HYAL4: variants seen among roughly 807,000 people sequenced by gnomAD.
HYAL4 encodes hyaluronidase-4.
In HYAL4, 37 loss-of-function variants were observed where a neutral mutation model predicts 35.2. The observed-to-expected ratio is 1.05, with a 90% confidence interval of 0.81 to 1.38. The LOEUF (loss-of-function observed/expected upper bound fraction) is 1.38, where lower values mean the gene tolerates loss of function less well. Among genes scored for constraint, HYAL4 ranks in the 40% most tolerant of loss-of-function variants. The pLI is 0.00. For synonymous variants in HYAL4, 198 were observed against 203.2 expected, an observed-to-expected ratio of 0.97 and a Z score of 0.22; for missense variants, 572 against 572.4, an observed-to-expected ratio of 1.00 and a Z score of 0.01.
intron 1 of HYAL4, among the ~76,000 whole-genome samples, chr7:123,835,040 GT>G (rs201786350): frequency 6.7e-6 from 1 of 149,914 alleles, no homozygotes; most frequent in Non-Finnish European, 1.5e-5. Context: ...TCTGTAGTTT[GT>G]TTTTTTTTGG....
the HYAL4 span, among the ~76,000 whole-genome samples, chr7:123,806,734 G>A: frequency 6.6e-6 from 1 of 151,880 alleles, no homozygotes; most frequent in Non-Finnish European, 1.5e-5. Flanking sequence ...TTACAGGCAT[G>A]AGCCACCACG....
At chr7:123,833,409 C>T (rs977629589) in intron 1 of HYAL4, among the ~76,000 whole-genome samples, 4 of 152,048 alleles carry the variant, frequency 2.6e-5, no homozygotes, top group Admixed American at 2.6e-4. Context: ...TGTCCTAGCC[C>T]ACTTTTTGAT....
intron 2 of HYAL4, among the ~76,000 whole-genome samples, chr7:123,864,368 G>C (rs1359899023): frequency 6.6e-6 from 1 of 152,070 alleles, no homozygotes; most frequent in African/African-American, 2.4e-5. Flanking sequence ...AGAAACCTGG[G>C]CATTAAAATT....
chr7:123,871,899 G>A (rs1044714404), intron 3 of HYAL4, among the ~76,000 whole-genome samples: 2 of 152,190 alleles, frequency 1.3e-5, no homozygotes, highest in African/African-American at 2.4e-5. Flanking sequence ...GGATATAGAG[G>A]CAGTCAAACC....
the HYAL4 span, among the ~76,000 whole-genome samples, chr7:123,788,160 T>C: frequency 4.6e-5 from 7 of 152,086 alleles, no homozygotes; most frequent in Non-Finnish European, 1.0e-4. Context: ...TCTACTAAGA[T>C]AAAATTTTAA....
chr7:123,841,487 C>A (rs1806057845), upstream of HYAL4, among the ~76,000 whole-genome samples: 1 of 152,016 alleles, frequency 6.6e-6, no homozygotes, highest in South Asian at 2.1e-4. Flanking sequence ...TCTTTGGTAT[C>A]AGGATGATGT....
the HYAL4 span, among the ~76,000 whole-genome samples, chr7:123,790,264 A>G: frequency 1.3e-5 from 2 of 152,228 alleles, no homozygotes; most frequent in Non-Finnish European, 1.5e-5. Flanking sequence ...TATGTTTTAT[A>G]AATGTTTTTG....
intron 1 of HYAL4, among the ~76,000 whole-genome samples, chr7:123,846,496 C>T (rs1698560553): frequency 6.6e-6 from 1 of 152,044 alleles, no homozygotes; most frequent in South Asian, 2.1e-4. Flanking sequence ...TCCCACCTTG[C>T]CCTCTCAAAC....
upstream of HYAL4, chr7:123,844,167 T>A (rs958227322): frequency 6.6e-6 from 1 of 152,014 alleles, no homozygotes; most frequent in African/African-American, 2.4e-5. Flanking sequence ...GTTGGTGACC[T>A]ACAGATGGGG....
chr7:123,811,852 T>A, the HYAL4 span, among the ~76,000 whole-genome samples: 1 of 152,078 alleles, frequency 6.6e-6, no homozygotes, highest in Non-Finnish European at 1.5e-5. Context: ...TTGTTGTTGT[T>A]GTTGTCGGAG....
At chr7:123,801,023 T>G in the HYAL4 span, among the ~76,000 whole-genome samples, 1 of 152,006 alleles carries the variant, frequency 6.6e-6, no homozygotes, top group East Asian at 1.9e-4. Flanking sequence ...TAATTAAAAA[T>G]AGAAGTTTTT....
chr7:123,867,970 A>G (rs1294492528), intron 2 of HYAL4, among the ~76,000 whole-genome samples: 2 of 152,220 alleles, frequency 1.3e-5, no homozygotes, highest in Non-Finnish European at 2.9e-5. Context: ...AAAGGCAAGG[A>G]CTACATCTTA....
At chr7:123,774,895 A>C in the HYAL4 span, among the ~76,000 whole-genome samples, 1 of 152,182 alleles carries the variant, frequency 6.6e-6, no homozygotes, top group Non-Finnish European at 1.5e-5. Flanking sequence ...CACTACTTCC[A>C]GGATGCTTTC....
Position 123,877,181 on chromosome 7 carries a change from G to A in HYAL4, c.*26G>A. The A allele has an allele frequency of 2.5e-6, 4 of 1,597,030 alleles. No individual in the cohort carries two copies. The highest frequency in any genetic ancestry group is 3.4e-6 in the Non-Finnish European group (4 of 1,170,182). ...GATAATTGAGTTTAAAGGGAATTGT[G>A]TGGCCTCTAGCCTAGTCATTTAAAG... On this transcript the variant is annotated 3_prime_UTR_variant, in exon 5 of 5. Transcript: ENST00000223026.
chr7:123,797,764 C>G, the HYAL4 span, among the ~76,000 whole-genome samples: 2 of 152,062 alleles, frequency 1.3e-5, no homozygotes, highest in African/African-American at 2.4e-5. Flanking sequence ...CTAGACTCTG[C>G]TTTAACTCGC....
the HYAL4 span, among the ~76,000 whole-genome samples, chr7:123,782,194 T>C: frequency 6.6e-6 from 1 of 152,214 alleles, no homozygotes; most frequent in African/African-American, 2.4e-5. Flanking sequence ...TGTTGACATA[T>C]ATGATCCTAG....
At chr7:123,815,925 A>C in the HYAL4 span, among the ~76,000 whole-genome samples, 1 of 152,186 alleles carries the variant, frequency 6.6e-6, no homozygotes, top group Non-Finnish European at 1.5e-5. Context: ...AATAAAATCC[A>C]ATTATTAATT....
chr7:123,797,276 G>T, the HYAL4 span, among the ~76,000 whole-genome samples: 6 of 152,092 alleles, frequency 3.9e-5, no homozygotes, highest in African/African-American at 1.4e-4. Flanking sequence ...TTATAGAAAA[G>T]GTCTTCTATT....
In HYAL4 at chr7:123,845,202, C is replaced by CTTTTTTTTTTTTTTTTTTTTTT. The variant is rs770541919; in HGVS notation, c.-602_-581dup. On this transcript the variant is annotated 5_prime_UTR_variant, in exon 1 of 5. It removes the in-frame stop codon of an upstream open reading frame in the 5' UTR. Transcript: ENST00000223026. ...TTATTTATGCTATCTATTTCTTTTC[C>CTTTTTTTTTTTTTTTTTTTTTT]TTTTTTTTTTTTTTTTTTTTTTTTG... 3.9e-5 allele frequency: 3 copies of CTTTTTTTTTTTTTTTTTTTTTT among 76,880 alleles called. No individual in the cohort carries two copies. The highest frequency in any genetic ancestry group is 6.0e-5 in the African/African-American group (1 of 16,748). 4.8% of individuals were successfully genotyped at this position (76,880 alleles called of 1,614,324 possible).
Sources: allele counts gnomAD v4.1 joint callset (sites outside exome capture counted in the v4.1 genomes callset), GRCh38; gene constraint gnomAD v4.1.1; transcripts MANE v1.5; gene names NCBI Gene and HGNC (gene_info 2026-07-23, HGNC 2026-07-21).